Variants in CASD1 observed in about 807,000 individuals in gnomAD.
CASD1 encodes the protein CAS1 domain sialic acid O acetyltransferase 1, also known as N-acetylneuraminate (7)9-O-acetyltransferase.
CASD1 carries 41 observed loss-of-function variants against 100.0 expected under a neutral mutation model. The ratio of observed to expected loss-of-function variants is 0.41; its 90% CI spans 0.32 to 0.53. The LOEUF (loss-of-function observed/expected upper bound fraction) is 0.53. Ranked by LOEUF, CASD1 falls within the 20% of genes least tolerant of loss-of-function variation. The pLI is 0.25. For synonymous variants in CASD1, 321 were observed against 315.6 expected (o/e 1.02, Z -0.18); for missense variants, 774 against 948.7 (o/e 0.82, Z 2.42).
chr7:94,571,040 CTTTTTT>C, the CASD1 span, among the ~76,000 whole-genome samples: 1 of 138,684 alleles, frequency 7.2e-6, no homozygotes, highest in African/African-American at 2.7e-5. Context: ...TTAAATTCTC[CTTTTTT>C]TTTTTTTTTT....
rs1370351183 is a variant in CASD1, at chr7:94,517,636, G to T, written c.210G>T (p.Met70Ile). 6.2e-7 allele frequency: 1 copy of T among 1,605,380 alleles called. No homozygotes were observed. Among genetic ancestry groups the T allele is most frequent in the Non-Finnish European group, 8.5e-7 (1 of 1,174,214 alleles). ...GEKVWQPHSC[M>I]MHKYKISEAK... Reference sequence around the variant, plus strand: ...AAGTTTGGCAACCTCACAGTTGTATGATGCATAAATACAAAATCAGGTAAC... The same window carrying T: ...AAGTTTGGCAACCTCACAGTTGTATTATGCATAAATACAAAATCAGGTAAC... The change falls in exon 2 of 18, where the codon ATG becomes ATT. Residue 70 changes from methionine to isoleucine, a missense_variant. By Grantham distance (10) the Met-to-Ile change is conservative (BLOSUM62 1). Transcript: ENST00000297273.
At chr7:94,580,909 T>C in the CASD1 span, among the ~76,000 whole-genome samples, 1 of 152,210 alleles carries the variant, frequency 6.6e-6, no homozygotes, top group Admixed American at 6.5e-5. Context: ...AATTGCATCA[T>C]TGTCAAGAGC....
At chr7:94,589,001 A>G in the CASD1 span, 1 of 457,398 alleles carries the variant, frequency 2.2e-6, no homozygotes, top group South Asian at 2.3e-5. Flanking sequence ...GTAGGTGTTA[A>G]TATTTTTCCC....
the CASD1 span, among the ~76,000 whole-genome samples, chr7:94,615,815 G>T: frequency 6.6e-6 from 1 of 152,132 alleles, no homozygotes; most frequent in African/African-American, 2.4e-5. Flanking sequence ...GCCATGACAT[G>T]CCTGGAATGA....
In CASD1 at chr7:94,555,967, A is replaced by T. The variant is rs1796187772; in HGVS notation, c.*209A>T. ...GAAATACTAAAACAAACAAACAAAC[A>T]AAAAACCAGAATGCATTGTATAGGA... is the stretch of plus-strand genomic sequence containing the variant. On this transcript the variant is annotated 3_prime_UTR_variant, in exon 18 of 18. Coordinates refer to ENST00000297273, the MANE Select transcript of CASD1 (RefSeq NM_022900.5). 1 of 518,106 alleles carries T rather than the reference A, an allele frequency of 1.9e-6. No homozygotes were observed. Among genetic ancestry groups the T allele is most frequent in the African/African-American group, 1.9e-5 (1 of 52,178 alleles). The allele number at this position is 518,106 out of a possible 1,614,324, so 32.1% of individuals were successfully genotyped here. A position where few individuals can be genotyped will look rare whatever the true frequency, so the allele number is the denominator to read the frequency against.
At chr7:94,586,940 C>G in the CASD1 span, 3 of 978,886 alleles carry the variant, frequency 3.1e-6, no homozygotes, top group Admixed American at 1.2e-4. Flanking sequence ...AACAACAAAA[C>G]AACCAAGAGG....
At chr7:94,599,058 T>C in the CASD1 span, 1 of 910,410 alleles carries the variant, frequency 1.1e-6, no homozygotes, top group Non-Finnish European at 1.7e-6. Context: ...TTTTTATCTT[T>C]TAAAATAATA....
chr7:94,548,702 A>G (rs539915260), intron 13 of CASD1, among the ~76,000 whole-genome samples: 93 of 151,890 alleles, frequency 6.1e-4, no homozygotes, highest in African/African-American at 2.2e-3. Flanking sequence ...TTGTTTTTTA[A>G]TAGCCTCTTT....
chr7:94,603,383 A>C, the CASD1 span: 1 of 1,613,106 alleles, frequency 6.2e-7, no homozygotes, highest in East Asian at 2.2e-5. Context: ...ATCTCAATTG[A>C]TTCTGTGGAT....
At position 94,556,234 on chromosome 7, in the gene CASD1, ATTGTT is replaced by A. The variant is rs1207767842; in HGVS notation, c.*479_*483del. 2 of 154,584 alleles carry A rather than the reference ATTGTT, an allele frequency of 1.3e-5. No individual in the cohort carries two copies. Among genetic ancestry groups the A allele is most frequent in the African/African-American group, 2.4e-5 (1 of 41,452 alleles). 9.6% of individuals were successfully genotyped at this position (154,584 alleles called of 1,614,324 possible). A position where few individuals can be genotyped will look rare whatever the true frequency, so the allele number is the denominator to read the frequency against. On this transcript the variant is annotated 3_prime_UTR_variant, in exon 18 of 18. Transcript: ENST00000297273. ...TTTCTTACTCAAGAATGACGGCAGTATTGTTTTCTTATATGTGCAATGAAGTGGAA... is the reference window on the plus strand; with the variant it reads ...TTTCTTACTCAAGAATGACGGCAGTATTCTTATATGTGCAATGAAGTGGAA...
the CASD1 span, chr7:94,629,804 A>C: frequency 1.9e-5 from 31 of 1,610,996 alleles, no homozygotes; most frequent in Admixed American, 2.5e-4. Flanking sequence ...ATGGGTATAC[A>C]TTCCGATCGG....
chr7:94,601,841 G>A, the CASD1 span, among the ~76,000 whole-genome samples: 1 of 152,006 alleles, frequency 6.6e-6, no homozygotes, highest in East Asian at 1.9e-4. Flanking sequence ...GCTTATTTTT[G>A]GGGGGTGAAA....
the CASD1 span, chr7:94,599,551 T>C: frequency 1.4e-6 from 1 of 706,990 alleles, no homozygotes; most frequent in Non-Finnish European, 2.5e-6. Flanking sequence ...TAAATATCTC[T>C]ATTTAGAAAG....
chr7:94,605,838 T>A, the CASD1 span, among the ~76,000 whole-genome samples: 1 of 152,078 alleles, frequency 6.6e-6, no homozygotes, highest in African/African-American at 2.4e-5. Context: ...TTTTATTTTA[T>A]TTTTATTTTA....
chr7:94,588,073 G>A, the CASD1 span: 3 of 1,329,422 alleles, frequency 2.3e-6, no homozygotes, highest in Non-Finnish European at 2.9e-6. Flanking sequence ...TCATGAATAA[G>A]TTATCTACTC....
the CASD1 span, among the ~76,000 whole-genome samples, chr7:94,574,716 A>T: frequency 6.6e-6 from 1 of 151,542 alleles, no homozygotes; most frequent in African/African-American, 2.4e-5. Context: ...CATGCGTGTA[A>T]TCCCAGGACT....
At chr7:94,511,888 G>A (rs1793727943) in intron 1 of CASD1, among the ~76,000 whole-genome samples, 1 of 152,172 alleles carries the variant, frequency 6.6e-6, no homozygotes, top group Non-Finnish European at 1.5e-5. Flanking sequence ...GGACTTATGA[G>A]TCAGTGTAGC....
chr7:94,522,228 A>C (rs779886377), intron 3 of CASD1, among the ~76,000 whole-genome samples: 14 of 152,226 alleles, frequency 9.2e-5, no homozygotes, highest in Non-Finnish European at 1.5e-4. Context: ...AATAAGAAGG[A>C]CATGGAAAGG....
At chr7:94,591,085 C>T in the CASD1 span, among the ~76,000 whole-genome samples, 3 of 152,142 alleles carry the variant, frequency 2.0e-5, no homozygotes, top group Non-Finnish European at 4.4e-5. Context: ...CAGCCTTATC[C>T]TTGTGTAGGC....
Sources: gnomAD v4.1 joint callset for allele counts (sites outside exome capture counted in the v4.1 genomes callset) on GRCh38, gnomAD v4.1.1 for gene constraint, MANE v1.5 for transcripts, NCBI Gene and HGNC (gene_info 2026-07-23, HGNC 2026-07-21) for gene names.